The following KCNN3 variants were observed in gnomAD, a reference collection of about 807,000 sequenced individuals.
KCNN3 encodes potassium calcium-activated channel subfamily N member 3.
Under a neutral mutation model 62.9 loss-of-function variants are expected in KCNN3, and 16 were observed. The observed-to-expected ratio is 0.25, with a 90% CI of 0.17 to 0.39. The LOEUF (loss-of-function observed/expected upper bound fraction) is 0.39. KCNN3 is among the 10% of genes least tolerant of loss of function. The pLI, the probability that KCNN3 is intolerant of heterozygous loss-of-function variation, is 1.00. For synonymous variants in KCNN3, 370 were observed against 389.2 expected (o/e 0.95, Z 0.58); for missense variants, 599 against 949.4 (o/e 0.63, Z 4.85).
At chr1:154,843,880 A>G (rs575005196) in intron 1 of KCNN3, among the ~76,000 whole-genome samples, 4 of 152,338 alleles carry the variant, frequency 2.6e-5, no homozygotes, top group Non-Finnish European at 2.9e-5. Flanking sequence ...CTGTCTGGAC[A>G]TGGAGGGGCG....
intron 1 of KCNN3, chr1:154,859,773 T>C (rs375035128): frequency 3.1e-4 from 508 of 1,614,042 alleles, no homozygotes; most frequent in Non-Finnish European, 4.1e-4. Flanking sequence ...GCAGGCCTGG[T>C]ATCAGCAAGC....
chr1:154,785,646 G>T (rs1323134380), intron 2 of KCNN3, among the ~76,000 whole-genome samples: 3 of 135,768 alleles, frequency 2.2e-5, no homozygotes, highest in Admixed American at 1.6e-4. Context: ...ACAGTGGCAC[G>T]ATTATGGCTC....
At position 154,714,882 on chromosome 1, in the gene KCNN3, A is replaced by G; in HGVS notation, c.1823T>C (p.Ile608Thr). 6.2e-7 allele frequency: 1 copy of G among 1,613,482 alleles called. No homozygotes were observed. Among genetic ancestry groups the G allele is most frequent in the Non-Finnish European group, 8.5e-7 (1 of 1,179,638 alleles). Residue 608 changes from isoleucine to threonine, a missense_variant, in exon 6 of 8, where the codon ATC becomes ACC. Around this residue, in one of 7 missense-constraint regions of KCNN3, gnomAD observed 288 missense variants for 557.4 expected, o/e 0.52. Transcript: ENST00000271915. ...RKHQRKFLQA[I>T]HQLRSVKMEQ... ...ACCGCTCTGGCATACTCACTGGTGG[A>G]TAGCTTGGAGGAACTTCCTCTGGTG... is the stretch of plus-strand genomic sequence containing the variant.
At chr1:154,847,741 T>A (rs1020829033) in intron 1 of KCNN3, among the ~76,000 whole-genome samples, 3 of 152,128 alleles carry the variant, frequency 2.0e-5, no homozygotes, top group Non-Finnish European at 4.4e-5. Flanking sequence ...TCAAGTCAAG[T>A]CCATCATCAT....
intron 2 of KCNN3, among the ~76,000 whole-genome samples, chr1:154,803,587 A>G (rs1011273896): frequency 6.6e-6 from 1 of 152,226 alleles, no homozygotes; most frequent in Admixed American, 6.5e-5. Flanking sequence ...ATGAGTTTGC[A>G]TCCTTCACGT....
chr1:154,747,797 G>A (rs1343761080), intron 3 of KCNN3, among the ~76,000 whole-genome samples: 2 of 152,104 alleles, frequency 1.3e-5, no homozygotes, highest in African/African-American at 4.8e-5. Context: ...TGCTCCTGTA[G>A]CGTTGAGTGC....
chr1:154,861,870 G>A (rs1303968912), intron 1 of KCNN3, among the ~76,000 whole-genome samples: 3 of 152,146 alleles, frequency 2.0e-5, no homozygotes, highest in Non-Finnish European at 4.4e-5. Context: ...CCAGAGAAAC[G>A]AGGCCCAGAG....
intron 3 of KCNN3, among the ~76,000 whole-genome samples, chr1:154,765,803 TTTG>T (rs1366381164): frequency 8.6e-5 from 13 of 151,216 alleles, no homozygotes; most frequent in Admixed American, 2.0e-4. Context: ...TTGGTTTTTT[TTTG>T]TTTTGTTTTG....
intron 1 of KCNN3, among the ~76,000 whole-genome samples, chr1:154,853,358 C>A (rs2101925368): frequency 6.6e-6 from 1 of 151,342 alleles, no homozygotes; most frequent in Non-Finnish European, 1.5e-5. Context: ...TTGTTTGAGA[C>A]CAGGTCTCAC....
intron 3 of KCNN3, among the ~76,000 whole-genome samples, chr1:154,738,281 G>A (rs1171933066): frequency 1.3e-5 from 2 of 152,046 alleles, no homozygotes; most frequent in Non-Finnish European, 2.9e-5. Context: ...CAACAGCTTC[G>A]GACTTTTTGA....
chr1:154,816,466 T>A (rs1650670896), intron 2 of KCNN3, among the ~76,000 whole-genome samples: 1 of 152,234 alleles, frequency 6.6e-6, no homozygotes, highest in African/African-American at 2.4e-5. Flanking sequence ...ATTCACTGAC[T>A]ACCTGCTACG....
chr1:154,731,451 A>T (rs143885903), intron 4 of KCNN3, among the ~76,000 whole-genome samples: 1 of 152,370 alleles, frequency 6.6e-6, no homozygotes, highest in African/African-American at 2.4e-5. Flanking sequence ...CCTCCTGCTC[A>T]GCAGGCTGAC....
At position 154,869,902 on chromosome 1, in the gene KCNN3, GC is replaced by G; in HGVS notation, c.62del (p.Cys21SerfsTer155). 6.2e-7 allele frequency: 1 copy of G among 1,609,126 alleles called. No homozygotes were observed. The highest frequency in any genetic ancestry group is 1.7e-4 in the Middle Eastern group (1 of 6,032). On this transcript the variant is annotated frameshift_variant, in exon 1 of 8. Coordinates refer to ENST00000271915, the MANE Select transcript of KCNN3 (RefSeq NM_002249.6). LOFTEE classifies it high-confidence loss of function. This position sits in a 1 kb window ranked among gnomAD's most constrained non-coding sequence, Gnocchi z 6.1. The stretch of plus-strand genomic sequence containing the variant: ...GCTCATCCCCAGAGGATGGACAGGG[GC>G]ACTTGGGGTCTTCATCCAAGTCCCC... ...GVGDLDEDPK[C>X]PCPSSGDEQQ... is the part of the protein sequence containing the mutation.
intron 2 of KCNN3, among the ~76,000 whole-genome samples, chr1:154,821,492 G>C (rs573939919): frequency 1.1e-3 from 170 of 152,260 alleles, no homozygotes; most frequent in African/African-American, 4.0e-3. Flanking sequence ...GCACCCTGGA[G>C]GCCCAGCCAA....
intron 1 of KCNN3, among the ~76,000 whole-genome samples, chr1:154,836,967 C>A (rs972041951): frequency 6.6e-6 from 1 of 152,248 alleles, no homozygotes; most frequent in African/African-American, 2.4e-5. Context: ...GAGAATCGTG[C>A]AAAATCACTT....
At chr1:154,749,234 A>G (rs1004029309) in intron 3 of KCNN3, among the ~76,000 whole-genome samples, 23 of 152,244 alleles carry the variant, frequency 1.5e-4, no homozygotes, top group African/African-American at 5.3e-4. Context: ...GAAGACTTCA[A>G]TGTGAATGGC....
chr1:154,849,412 A>G (rs545698525), intron 1 of KCNN3, among the ~76,000 whole-genome samples: 2 of 152,206 alleles, frequency 1.3e-5, no homozygotes, highest in African/African-American at 4.8e-5. Flanking sequence ...TAGAAAGCGG[A>G]TTGGCCTGCT....
chr1:154,860,784 C>G (rs1652739391), intron 1 of KCNN3, among the ~76,000 whole-genome samples: 1 of 152,148 alleles, frequency 6.6e-6, no homozygotes, highest in Non-Finnish European at 1.5e-5. Context: ...CTTCTAACCA[C>G]CACTCTAATA....
intron 5 of KCNN3, among the ~76,000 whole-genome samples, chr1:154,718,418 G>A (rs941706901): frequency 6.6e-6 from 1 of 152,226 alleles, no homozygotes; most frequent in Non-Finnish European, 1.5e-5. Flanking sequence ...AACATATACT[G>A]AGTGCTTACT....
Sources: allele counts gnomAD v4.1 joint callset (sites outside exome capture counted in the v4.1 genomes callset), GRCh38; gene constraint gnomAD v4.1.1; regional missense constraint gnomAD v4.1.1; non-coding constraint Gnocchi (gnomAD v3.1); transcripts MANE v1.5; gene names NCBI Gene and HGNC (gene_info 2026-07-23, HGNC 2026-07-21).